The following VPS13B variants were observed in gnomAD, a reference collection of about 807,000 sequenced individuals.
VPS13B encodes intermembrane lipid transfer protein VPS13B.
VPS13B carries 285 observed loss-of-function variants against 426.4 expected under a neutral mutation model. The observed-to-expected ratio is 0.67, with a 90% CI of 0.61 to 0.74. VPS13B has a LOEUF of 0.74. VPS13B is among the 30% of genes least tolerant of loss of function. VPS13B has a pLI of 0.00. For missense variants in VPS13B, 4,537 were observed against 4,782.6 expected, an observed-to-expected ratio of 0.95 and a Z score of 1.51; for synonymous variants, 1,676 against 1,676.4, an observed-to-expected ratio of 1.00 and a Z score of 0.01.
chr8:99,812,338 A>G (rs1172666554), intron 44 of VPS13B, among the ~76,000 whole-genome samples: 1 of 152,194 alleles, frequency 6.6e-6, no homozygotes, highest in African/African-American at 2.4e-5. Context: ...GAAGAAGGGA[A>G]CCAAGCTTCA....
intron 19 of VPS13B, among the ~76,000 whole-genome samples, chr8:99,342,377 T>A (rs923768448): frequency 6.6e-6 from 1 of 152,240 alleles, no homozygotes; most frequent in Non-Finnish European, 1.5e-5. Context: ...TTGTACTCTT[T>A]GTTCAAGAAT....
chr8:99,629,062 C>A (rs1383792069), intron 33 of VPS13B, among the ~76,000 whole-genome samples: 2 of 152,154 alleles, frequency 1.3e-5, no homozygotes, highest in Non-Finnish European at 2.9e-5. Flanking sequence ...CTATGCCCAG[C>A]CTAGCTGTAT....
chr8:99,526,200 A>G (rs971323041), intron 30 of VPS13B, among the ~76,000 whole-genome samples: 4 of 152,198 alleles, frequency 2.6e-5, no homozygotes, highest in Non-Finnish European at 4.4e-5. Context: ...ACAATTAAGA[A>G]CAAATGGAAG....
rs542635955 is a variant in VPS13B, at chr8:99,152,096, G to A, written c.2013+4086G>A. Reference sequence around the variant, plus strand: ...ATTTATTTAATTTCCTGAAGTGTAAGCTTAGGTGATTGATTTTAGATTTTC... The same window carrying A: ...ATTTATTTAATTTCCTGAAGTGTAAACTTAGGTGATTGATTTTAGATTTTC... On this transcript the variant is annotated intron_variant, in intron 14 of 61. Coordinates refer to ENST00000357162, the MANE Select transcript of VPS13B (RefSeq NM_152564.5). 1.5e-4 allele frequency among the ~76,000 whole-genome samples: 23 copies of A among 152,118 alleles called. No homozygotes were observed. In the East Asian group the frequency reaches 3.3e-3, roughly 22 times the overall value.
At chr8:99,189,654 C>T (rs1337677641) in intron 16 of VPS13B, among the ~76,000 whole-genome samples, 1 of 151,808 alleles carries the variant, frequency 6.6e-6, no homozygotes, top group Non-Finnish European at 1.5e-5. Flanking sequence ...ATATCAGTGT[C>T]CTTTTCTAAT....
chr8:99,207,041 AT>A (rs1373108358), intron 17 of VPS13B, among the ~76,000 whole-genome samples: 3 of 152,146 alleles, frequency 2.0e-5, no homozygotes, highest in Non-Finnish European at 4.4e-5. Context: ...AAAGACATTA[AT>A]TTTTGTGAAT....
intron 4 of VPS13B, among the ~76,000 whole-genome samples, chr8:99,100,302 T>G (rs1412308074): frequency 6.6e-6 from 1 of 152,158 alleles, no homozygotes; most frequent in African/African-American, 2.4e-5. Context: ...AAAATATATA[T>G]ATTTTGAGAC....
chr8:99,146,247 G>C (rs762961007), intron 13 of VPS13B, among the ~76,000 whole-genome samples: 1 of 152,112 alleles, frequency 6.6e-6, no homozygotes, highest in South Asian at 2.1e-4. Context: ...TTAGATAGGG[G>C]TTTATTTATG....
At chr8:99,515,351 T>G (rs1002510517) in intron 29 of VPS13B, among the ~76,000 whole-genome samples, 1 of 152,094 alleles carries the variant, frequency 6.6e-6, no homozygotes, top group African/African-American at 2.4e-5. Context: ...TTCTGCCATC[T>G]TATTTTTAAA....
At chr8:99,862,479 A>G (rs1816889668) in intron 58 of VPS13B, among the ~76,000 whole-genome samples, 2 of 152,234 alleles carry the variant, frequency 1.3e-5, no homozygotes, top group Admixed American at 1.3e-4. Flanking sequence ...TTAGAGGTGA[A>G]GATTGCTCTG....
intron 51 of VPS13B, among the ~76,000 whole-genome samples, chr8:99,828,419 T>G (rs1406206396): frequency 9.9e-5 from 12 of 121,272 alleles, no homozygotes; most frequent in African/African-American, 2.6e-4. Context: ...TTTTTTTTTT[T>G]TTTTTTTTTT....
intron 3 of VPS13B, among the ~76,000 whole-genome samples, chr8:99,046,282 A>G (rs570964026): frequency 1.5e-3 from 234 of 152,104 alleles, no homozygotes; most frequent in Non-Finnish European, 2.9e-3. Context: ...ATTCCTAAGT[A>G]TTTTATTTTA....
chr8:99,323,427 A>C (rs1810087073), intron 19 of VPS13B, among the ~76,000 whole-genome samples: 1 of 152,214 alleles, frequency 6.6e-6, no homozygotes, highest in South Asian at 2.1e-4. Context: ...AAAACTCAGA[A>C]TAGCCCAGTG....
At chr8:99,326,494 T>A in intron 19 of VPS13B, among the ~76,000 whole-genome samples, 1 of 116,476 alleles carries the variant, frequency 8.6e-6, no homozygotes. Flanking sequence ...AGACAGAATC[T>A]TGCTCTGTTG....
chr8:99,397,006 A>G (rs1393749601), intron 21 of VPS13B, among the ~76,000 whole-genome samples: 3 of 152,234 alleles, frequency 2.0e-5, no homozygotes, highest in Non-Finnish European at 4.4e-5. Context: ...AGAGAAGTAA[A>G]TATGAAAAAT....
At chr8:99,864,436 T>G (rs111902604) in intron 58 of VPS13B, among the ~76,000 whole-genome samples, 1 of 152,146 alleles carries the variant, frequency 6.6e-6, no homozygotes, top group South Asian at 2.1e-4. Flanking sequence ...CACATCCCTG[T>G]GGGCCCAGCT....
chr8:99,059,730 C>CTTTTTTTTTT (rs34620587), intron 3 of VPS13B, among the ~76,000 whole-genome samples: 1 of 110,182 alleles, frequency 9.1e-6, no homozygotes, highest in Non-Finnish European at 1.7e-5. Context: ...TTAGCTTCTG[C>CTTTTTTTTTT]TTTTTTTTTT....
chr8:99,264,364 G>T (rs958675383), intron 17 of VPS13B, among the ~76,000 whole-genome samples: 3 of 151,754 alleles, frequency 2.0e-5, no homozygotes, highest in African/African-American at 7.3e-5. Context: ...ACTCTTTCTT[G>T]ATTTACTCTC....
At chr8:99,865,387 C>T (rs1817047835) in intron 58 of VPS13B, among the ~76,000 whole-genome samples, 1 of 152,230 alleles carries the variant, frequency 6.6e-6, no homozygotes, top group Admixed American at 6.5e-5. Flanking sequence ...TTTTGGGATG[C>T]TTCCTGGTTT....
Sources: allele counts gnomAD v4.1 joint callset (sites outside exome capture counted in the v4.1 genomes callset), GRCh38; gene constraint gnomAD v4.1.1; transcripts MANE v1.5; gene names NCBI Gene and HGNC (gene_info 2026-07-23, HGNC 2026-07-21).